Variants in ZBTB7C observed in about 807,000 individuals in gnomAD.
The protein encoded by ZBTB7C is zinc finger and BTB domain containing 7C, also known as zinc finger and BTB domain-containing protein 7C.
In ZBTB7C, 8 loss-of-function variants were observed where a neutral mutation model predicts 25.7. The observed-to-expected ratio is 0.31, with a 90% CI of 0.18 to 0.56. ZBTB7C has a LOEUF of 0.56. Ranked by LOEUF, ZBTB7C falls within the 20% of genes least tolerant of loss-of-function variation. ZBTB7C has a pLI of 0.91. For missense variants in ZBTB7C, 824 were observed against 855.2 expected (o/e 0.96, Z 0.46); for synonymous variants, 394 against 369.0 (o/e 1.07, Z -0.78).
chr18:48,190,660 A>G (rs1334046384), intron 2 of ZBTB7C, among the ~76,000 whole-genome samples: 1 of 152,094 alleles, frequency 6.6e-6, no homozygotes, highest in African/African-American at 2.4e-5. Context: ...GGACAGTGGG[A>G]TTTTATGCCT....
intron 3 of ZBTB7C, among the ~76,000 whole-genome samples, chr18:48,168,789 T>C (rs557711202): frequency 6.6e-6 from 1 of 152,362 alleles, no homozygotes; most frequent in African/African-American, 2.4e-5. Context: ...AGGATAATGT[T>C]GGTCTTCTGT....
intron 2 of ZBTB7C, among the ~76,000 whole-genome samples, chr18:48,267,488 T>C (rs1443738887): frequency 6.6e-6 from 1 of 152,178 alleles, no homozygotes; most frequent in Non-Finnish European, 1.5e-5. Flanking sequence ...ATCAATATGG[T>C]AACCAAGGCC....
chr18:48,234,622 C>T (rs1304933361), intron 2 of ZBTB7C, among the ~76,000 whole-genome samples: 4 of 152,146 alleles, frequency 2.6e-5, no homozygotes, highest in South Asian at 2.1e-4. Context: ...TGCTTTGTGA[C>T]CTCATACTAA....
chr18:48,069,794 G>T (rs2037475103), intron 3 of ZBTB7C, among the ~76,000 whole-genome samples: 1 of 152,198 alleles, frequency 6.6e-6, no homozygotes, highest in South Asian at 2.1e-4. Flanking sequence ...TTTGAGAAAG[G>T]CAAGGATGAA....
chr18:48,220,105 C>T (rs376578549), intron 2 of ZBTB7C, among the ~76,000 whole-genome samples: 1 of 152,324 alleles, frequency 6.6e-6, no homozygotes, highest in East Asian at 1.9e-4. Context: ...TCAACATCTG[C>T]TCTGGGACCA....
chr18:48,371,683 T>C (rs1335726919), intron 1 of ZBTB7C, among the ~76,000 whole-genome samples: 1 of 152,158 alleles, frequency 6.6e-6, no homozygotes, highest in East Asian at 1.9e-4. Context: ...CCAGCACAGA[T>C]ATGCAGACGT....
intron 1 of ZBTB7C, among the ~76,000 whole-genome samples, chr18:48,379,935 C>T (rs541879461): frequency 6.6e-5 from 10 of 152,262 alleles, no homozygotes; most frequent in African/African-American, 2.4e-4. Context: ...CACTGCCACA[C>T]ACCTGTAAGC....
intron 2 of ZBTB7C, among the ~76,000 whole-genome samples, chr18:48,273,003 C>A (rs80033315): frequency 0.048 from 7,295 of 152,080 alleles, 212 homozygotes; most frequent in Middle Eastern, 0.089. Context: ...GGGAAAAGCA[C>A]GGAATGGGAA....
At chr18:48,193,621 C>T (rs2042250613) in intron 2 of ZBTB7C, among the ~76,000 whole-genome samples, 1 of 152,200 alleles carries the variant, frequency 6.6e-6, no homozygotes, top group African/African-American at 2.4e-5. Flanking sequence ...GCGCTGAGAG[C>T]ATATCTCAGA....
intron 1 of ZBTB7C, among the ~76,000 whole-genome samples, chr18:48,388,657 G>A (rs949838775): frequency 2.0e-5 from 3 of 152,216 alleles, no homozygotes; most frequent in Non-Finnish European, 4.4e-5. Flanking sequence ...GCCGAAGCAG[G>A]AGGACTGCTT....
chr18:48,141,436 T>A (rs550281861), intron 3 of ZBTB7C, among the ~76,000 whole-genome samples: 1 of 152,272 alleles, frequency 6.6e-6, no homozygotes, highest in Non-Finnish European at 1.5e-5. Context: ...GTGCCTGGTA[T>A]GTCACTGGCC....
chr18:48,347,434 T>G (rs2046766628), intron 1 of ZBTB7C, among the ~76,000 whole-genome samples: 1 of 152,142 alleles, frequency 6.6e-6, no homozygotes, highest in South Asian at 2.1e-4. Context: ...CTGCTTCCCC[T>G]AGGAAGCCCT....
intron 2 of ZBTB7C, among the ~76,000 whole-genome samples, chr18:48,229,288 C>A (rs2043188868): frequency 6.6e-6 from 1 of 152,092 alleles, no homozygotes. Context: ...TCTTCCCTGG[C>A]CATGGTTGTG....
At chr18:48,347,001 T>G (rs2046746521) in intron 1 of ZBTB7C, among the ~76,000 whole-genome samples, 1 of 151,920 alleles carries the variant, frequency 6.6e-6, no homozygotes, top group African/African-American at 2.4e-5. Flanking sequence ...GTCAGGCTGG[T>G]CTCGAGCTCC....
intron 3 of ZBTB7C, among the ~76,000 whole-genome samples, chr18:48,067,368 C>T (rs1050579152): frequency 1.7e-4 from 26 of 152,156 alleles, no homozygotes; most frequent in Non-Finnish European, 2.2e-4. Flanking sequence ...TTTGTAAAAT[C>T]AGGTGTACAA....
At chr18:48,135,633 G>T (rs750125234) in intron 3 of ZBTB7C, among the ~76,000 whole-genome samples, 14 of 152,242 alleles carry the variant, frequency 9.2e-5, no homozygotes, top group Non-Finnish European at 1.5e-4. Context: ...CCCAGCGGGG[G>T]TTCCTGAGCC....
At chr18:48,290,265 C>T (rs549573620) in intron 2 of ZBTB7C, among the ~76,000 whole-genome samples, 32 of 152,326 alleles carry the variant, frequency 2.1e-4, no homozygotes, top group African/African-American at 7.5e-4. Context: ...TAGGTCCAGC[C>T]AGGACTCCAA....
At chr18:48,311,500 G>A (rs772905225) in intron 2 of ZBTB7C, among the ~76,000 whole-genome samples, 33 of 151,186 alleles carry the variant, frequency 2.2e-4, no homozygotes, top group Non-Finnish European at 3.8e-4. Context: ...GTAAGAGGGG[G>A]TTGCTACTGT....
At chr18:48,250,133 AC>A (rs2043804622) in intron 2 of ZBTB7C, among the ~76,000 whole-genome samples, 1 of 152,190 alleles carries the variant, frequency 6.6e-6, no homozygotes, top group South Asian at 2.1e-4. Flanking sequence ...TTCCCCAGTG[AC>A]ATGCGCAGGG....
Sources: allele counts gnomAD v4.1 joint callset (sites outside exome capture counted in the v4.1 genomes callset), GRCh38; gene constraint gnomAD v4.1.1; transcripts MANE v1.5; gene names NCBI Gene and HGNC (gene_info 2026-07-23, HGNC 2026-07-21).